Variants in EPB41L4A observed in about 807,000 individuals in gnomAD.
The protein encoded by EPB41L4A is erythrocyte membrane protein band 4.1 like 4A, also known as band 4.1-like protein 4A.
Under a neutral mutation model 108.6 loss-of-function variants are expected in EPB41L4A, and 100 were observed. The ratio of observed to expected loss-of-function variants is 0.92; its 90% confidence interval spans 0.78 to 1.09. EPB41L4A has a LOEUF of 1.09. EPB41L4A is among the 50% of genes least tolerant of loss of function. The pLI, the probability that EPB41L4A is intolerant of heterozygous loss-of-function variation, is 0.00. For missense variants in EPB41L4A, 1,030 were observed against 842.7 expected, an observed-to-expected ratio of 1.22 and a Z score of -2.75; for synonymous variants, 319 against 289.0, an observed-to-expected ratio of 1.10 and a Z score of -1.05.
intron 15 of EPB41L4A, among the ~76,000 whole-genome samples, chr5:112,203,395 A>T (rs925295824): frequency 2.6e-5 from 4 of 152,110 alleles, no homozygotes; most frequent in Non-Finnish European, 5.9e-5. Flanking sequence ...AAAAAAGGAA[A>T]AAGTCATTTA....
At chr5:112,265,653 C>G (rs902364545) in intron 5 of EPB41L4A, among the ~76,000 whole-genome samples, 2 of 152,202 alleles carry the variant, frequency 1.3e-5, no homozygotes, top group African/African-American at 4.8e-5. Flanking sequence ...GGGCAAGGAC[C>G]ATGCTATCTT....
At chr5:112,368,073 T>C (rs776979412) in intron 1 of EPB41L4A, among the ~76,000 whole-genome samples, 28 of 152,234 alleles carry the variant, frequency 1.8e-4, no homozygotes, top group African/African-American at 6.0e-4. Flanking sequence ...AAATAACTTA[T>C]AAAGCTTACA....
At chr5:112,267,684 ACTGTT>A (rs1239731278) in intron 4 of EPB41L4A, among the ~76,000 whole-genome samples, 1 of 151,982 alleles carries the variant, frequency 6.6e-6, no homozygotes, top group Non-Finnish European at 1.5e-5. Flanking sequence ...CCTCCTCCTA[ACTGTT>A]CTGCCATCAC....
chr5:112,384,651 C>A (rs1017804810), intron 1 of EPB41L4A, among the ~76,000 whole-genome samples: 2 of 147,690 alleles, frequency 1.4e-5, no homozygotes, highest in South Asian at 4.3e-4. Flanking sequence ...AAGATGAGTA[C>A]CTGTCAAAAT....
At chr5:112,310,219 C>G (rs932551851) in intron 1 of EPB41L4A, among the ~76,000 whole-genome samples, 1 of 152,188 alleles carries the variant, frequency 6.6e-6, no homozygotes. Context: ...TGCTGTTATA[C>G]TTTCTGACTG....
intron 22 of EPB41L4A, among the ~76,000 whole-genome samples, chr5:112,167,355 C>T (rs555971330): frequency 6.6e-6 from 1 of 152,236 alleles, no homozygotes; most frequent in East Asian, 1.9e-4. Flanking sequence ...TTAAACCAAT[C>T]GTCTATTTGG....
In EPB41L4A at chr5:112,257,083, A is replaced by G. The variant is rs79309434; in HGVS notation, c.795+2146T>C. ...ACCATTCTTCATGCTGAATGTGATT[A>G]CTGTTCCAAGTGATGGGTTTTAAGG... On this transcript the variant is annotated intron_variant, in intron 9 of 22. Coordinates refer to ENST00000261486, the MANE Select transcript of EPB41L4A (RefSeq NM_022140.5). The G allele has an allele frequency of 2.0e-3, 309 of 152,314 alleles. 1 individual carries two copies. The highest frequency in any genetic ancestry group is 6.8e-3 in the African/African-American group (284 of 41,582). 9.4% of individuals were successfully genotyped at this position (152,314 alleles called of 1,614,324 possible).
Position 112,199,441 on chromosome 5 carries a change from A to G in EPB41L4A, c.1377-3733T>C, listed in dbSNP as rs17268090. Among the ~76,000 whole-genome samples the G allele has an allele frequency of 5.7e-3, 875 of 152,288 alleles. 4 individuals are homozygous for G. The highest frequency in any genetic ancestry group is 0.014 in the Middle Eastern group (4 of 294). ...TACCAGTTAATCTTCAATTAAGCCA[A>G]ATGCTGGAGCTTCTTACAACTCTGT... On this transcript the variant is annotated intron_variant, in intron 15 of 22. Coordinates refer to ENST00000261486, the MANE Select transcript of EPB41L4A (RefSeq NM_022140.5).
chr5:112,377,561 C>G (rs892220650), intron 1 of EPB41L4A, among the ~76,000 whole-genome samples: 1 of 152,198 alleles, frequency 6.6e-6, no homozygotes, highest in South Asian at 2.1e-4. Context: ...ATCCATGATT[C>G]ATGAGGCCCA....
intron 18 of EPB41L4A, among the ~76,000 whole-genome samples, chr5:112,178,770 T>A (rs1263716048): frequency 6.6e-6 from 1 of 151,880 alleles, no homozygotes; most frequent in African/African-American, 2.4e-5. Context: ...AGTTAAAGCA[T>A]GGCTGAAAGG....
In EPB41L4A at chr5:112,234,003, T is replaced by C. The variant is rs1205616085; in HGVS notation, c.1087+631A>G. On this transcript the variant is annotated intron_variant, in intron 12 of 22. Transcript: ENST00000261486. Reference sequence around the variant, plus strand: ...GCCATTGTGCCCAGCCAAGATTTTATGTAAAATAAAACCCCTTCAAAAAGA... The same window carrying C: ...GCCATTGTGCCCAGCCAAGATTTTACGTAAAATAAAACCCCTTCAAAAAGA... 2.0e-5 allele frequency among the ~76,000 whole-genome samples: 3 copies of C among 151,672 alleles called. No homozygotes were observed. In the East Asian group the frequency reaches 5.8e-4, roughly 30 times the overall value.
intron 20 of EPB41L4A, 36 bp downstream of exon 20, chr5:112,170,265 T>C: frequency 6.3e-7 from 1 of 1,595,244 alleles, no homozygotes; most frequent in Non-Finnish European, 8.6e-7. Context: ...CAAGCACTAA[T>C]AAAGCTTTGG....
intron 1 of EPB41L4A, among the ~76,000 whole-genome samples, chr5:112,395,016 T>C (rs1366654595): frequency 6.6e-6 from 1 of 152,190 alleles, no homozygotes; most frequent in Non-Finnish European, 1.5e-5. Context: ...ATTTAATAAA[T>C]GGTGCTGGGA....
intron 4 of EPB41L4A, among the ~76,000 whole-genome samples, chr5:112,271,997 A>T (rs1050043602): frequency 6.6e-6 from 1 of 152,056 alleles, no homozygotes; most frequent in Non-Finnish European, 1.5e-5. Context: ...ATTAACGTAC[A>T]TTTTTCATAA....
intron 15 of EPB41L4A, among the ~76,000 whole-genome samples, chr5:112,197,218 T>C (rs770284895): frequency 1.7e-4 from 26 of 152,110 alleles, no homozygotes; most frequent in Non-Finnish European, 3.1e-4. Context: ...TGAGTCCACA[T>C]CCCCCCTCAT....
Position 112,164,663 on chromosome 5 carries a change from C to T in EPB41L4A, c.*327G>A, listed in dbSNP as rs948461398. On this transcript the variant is annotated 3_prime_UTR_variant, in exon 23 of 23. Transcript: ENST00000261486. ...AGCCTCCAACATGGCAAAGCCCTGT[C>T]TCTACTAAAAATACAAAAAGAATTA... The T allele has an allele frequency of 1.8e-5, 3 of 164,462 alleles. No individual in the cohort carries two copies. The highest frequency in any genetic ancestry group is 6.4e-5 in the Admixed American group (1 of 15,672). The allele number at this position is 164,462 out of a possible 1,614,324, so 10.2% of individuals were successfully genotyped here. A position where few individuals can be genotyped will look rare whatever the true frequency, so the allele number is the denominator to read the frequency against.
intron 2 of EPB41L4A, among the ~76,000 whole-genome samples, chr5:112,282,442 G>T (rs764678996): frequency 1.3e-5 from 2 of 152,192 alleles, no homozygotes; most frequent in Non-Finnish European, 1.5e-5. Context: ...CACTGCTGCC[G>T]TAACAAATTA....
At chr5:112,348,727 T>A (rs890196720) in intron 1 of EPB41L4A, among the ~76,000 whole-genome samples, 2 of 152,214 alleles carry the variant, frequency 1.3e-5, no homozygotes, top group Non-Finnish European at 2.9e-5. Flanking sequence ...TGTTAGGGAT[T>A]CCATATGTCC....
intron 2 of EPB41L4A, among the ~76,000 whole-genome samples, chr5:112,282,911 G>C (rs1753060538): frequency 6.6e-6 from 1 of 151,516 alleles, no homozygotes; most frequent in African/African-American, 2.4e-5. Flanking sequence ...GATTCATTTT[G>C]TTTTGTTTTG....
Sources: gnomAD v4.1 joint callset for allele counts (sites outside exome capture counted in the v4.1 genomes callset) on GRCh38, gnomAD v4.1.1 for gene constraint, MANE v1.5 for transcripts, NCBI Gene and HGNC (gene_info 2026-07-23, HGNC 2026-07-21) for gene names.